EFHC2: variants seen among roughly 807,000 people sequenced by gnomAD.
The protein encoded by EFHC2 is EF-hand domain-containing family member C2.
A neutral mutation model predicts 52.7 loss-of-function variants in EFHC2; 18 were observed. The ratio of observed to expected loss-of-function variants is 0.34; its 90% confidence interval spans 0.24 to 0.51. The LOEUF (loss-of-function observed/expected upper bound fraction) is 0.51, where lower values mean the gene tolerates loss of function less well. Among genes scored for constraint, EFHC2 ranks in the 20% least tolerant of loss-of-function variants. The pLI, the probability that EFHC2 is intolerant of heterozygous loss-of-function variation, is 0.97. For synonymous variants in EFHC2, 203 were observed against 204.1 expected, an observed-to-expected ratio of 0.99 and a Z score of 0.04; for missense variants, 513 against 562.5, an observed-to-expected ratio of 0.91 and a Z score of 0.89.
chrX:44,150,812 A>C (rs2036564679), intron 14 of EFHC2, among the ~76,000 whole-genome samples: 1 of 111,471 alleles, frequency 9.0e-6, no homozygotes, highest in Admixed American at 9.6e-5. Context: ...CTCATGCAAA[A>C]GAGTTATGTG....
chrX:44,271,723 C>A (rs1333060440), intron 3 of EFHC2, among the ~76,000 whole-genome samples: 1 of 110,914 alleles, frequency 9.0e-6, no homozygotes, highest in Non-Finnish European at 1.9e-5. Flanking sequence ...CCCCTAACCC[C>A]AACCCTACCC....
chrX:44,194,456 C>T (rs1347616496), intron 11 of EFHC2, among the ~76,000 whole-genome samples: 1 of 111,869 alleles, frequency 8.9e-6, no homozygotes, highest in African/African-American at 3.2e-5. Context: ...TTGTTCTTGG[C>T]TCCTTGTTTT....
intron 8 of EFHC2, among the ~76,000 whole-genome samples, chrX:44,238,330 G>A (rs1294343866): frequency 9.0e-6 from 1 of 111,159 alleles, no homozygotes; most frequent in Non-Finnish European, 1.9e-5. Flanking sequence ...CCAGATCTGA[G>A]CCACCAAAAC....
At chrX:44,200,391 A>G (rs189365703) in intron 11 of EFHC2, among the ~76,000 whole-genome samples, 2 of 111,603 alleles carry the variant, frequency 1.8e-5, no homozygotes, top group African/African-American at 6.5e-5. Context: ...GTAATGAACC[A>G]TGAAATTATG....
intron 11 of EFHC2, among the ~76,000 whole-genome samples, chrX:44,184,281 A>G (rs1388292008): frequency 9.0e-6 from 1 of 111,491 alleles, no homozygotes; most frequent in East Asian, 2.8e-4. Flanking sequence ...TCAACTTCAG[A>G]GCCTTTGTAC....
intron 2 of EFHC2, among the ~76,000 whole-genome samples, chrX:44,282,189 G>A (rs1423751219): frequency 9.1e-6 from 1 of 110,090 alleles, no homozygotes; most frequent in Non-Finnish European, 1.9e-5. Flanking sequence ...GGAAGGGCTT[G>A]GTGAATTACG....
intron 1 of EFHC2, among the ~76,000 whole-genome samples, chrX:44,322,293 G>GCT: frequency 9.0e-6 from 1 of 111,677 alleles, no homozygotes; most frequent in Non-Finnish European, 1.9e-5. Flanking sequence ...CTTATACTAG[G>GCT]CTTTGTACTT....
intron 11 of EFHC2, among the ~76,000 whole-genome samples, chrX:44,225,197 T>C (rs2037222697): frequency 9.3e-6 from 1 of 107,256 alleles, no homozygotes; most frequent in Admixed American, 1.0e-4. Context: ...GAAGCAGAAG[T>C]GGTGAATTCC....
intron 2 of EFHC2, among the ~76,000 whole-genome samples, chrX:44,282,623 G>GT (rs1470003303): frequency 5.0e-4 from 10 of 19,928 alleles, no homozygotes; most frequent in Admixed American, 2.5e-3. Flanking sequence ...CTCGGGGCGG[G>GT]GGGGGGGGGG....
At chrX:44,335,137 T>C (rs1376068726) in intron 1 of EFHC2, among the ~76,000 whole-genome samples, 1 of 109,823 alleles carries the variant, frequency 9.1e-6, no homozygotes, top group Admixed American at 9.8e-5. Context: ...GTGTAGATTA[T>C]GCTACCAAGT....
In EFHC2 at chrX:44,303,164, C is replaced by T. The variant is rs1401219868; in HGVS notation, c.231+9404G>A. ...TTACAAGCTGGCCTGGCATCCACAG[C>T]TAGGCCTTGGTGTTCTCCTGCTAAA... is the stretch of plus-strand genomic sequence containing the variant. On this transcript the variant is annotated intron_variant, in intron 2 of 14. Transcript: ENST00000420999. Among the ~76,000 whole-genome samples the T allele has an allele frequency of 4.5e-5, 5 of 111,295 alleles. No individual in the cohort carries two copies. The East Asian group carries it at 1.4e-3, about 31-fold the overall frequency.
chrX:44,239,585 T>C (rs141904474), intron 8 of EFHC2, among the ~76,000 whole-genome samples: 3,091 of 112,080 alleles, frequency 0.028, 115 homozygotes, highest in African/African-American at 0.095. Flanking sequence ...CAGCTAAAAA[T>C]TAGCTGTGTC....
At chrX:44,252,381 G>T (rs187095091) in intron 4 of EFHC2, among the ~76,000 whole-genome samples, 1 of 111,884 alleles carries the variant, frequency 8.9e-6, no homozygotes, top group Non-Finnish European at 1.9e-5. Context: ...TCTATCTGTC[G>T]AGGGCAGTCT....
chrX:44,260,328 G>A (rs1182818190), intron 4 of EFHC2, among the ~76,000 whole-genome samples: 1 of 111,485 alleles, frequency 9.0e-6, no homozygotes, highest in Non-Finnish European at 1.9e-5. Flanking sequence ...TGGAAATCAG[G>A]GTAAGAGTCA....
intron 11 of EFHC2, among the ~76,000 whole-genome samples, chrX:44,212,383 G>A (rs762104622): frequency 7.2e-5 from 8 of 111,520 alleles, no homozygotes; most frequent in Non-Finnish European, 1.3e-4. Context: ...CAGACTTCTG[G>A]CAGAGAGAGT....
Position 44,275,005 on chromosome X carries a change from A to AT in EFHC2, c.232-2170dup, listed in dbSNP as rs201880619. On this transcript the variant is annotated intron_variant, in intron 2 of 14. Coordinates refer to ENST00000420999, the MANE Select transcript of EFHC2 (RefSeq NM_025184.4). ...CAGTGTACGTAATATTTAATCTGAG[A>AT]TTTTTTTTTCTTTGTAATCAAGTAG... is the stretch of plus-strand genomic sequence containing the variant. Among the ~76,000 whole-genome samples, 673 of 110,539 alleles carry AT rather than the reference A, an allele frequency of 6.1e-3. 5 individuals are homozygous for AT. Among genetic ancestry groups the AT allele is most frequent in the Non-Finnish European group, 7.0e-3 (368 of 52,792 alleles).
intron 10 of EFHC2, 33 bp downstream of exon 10, chrX:44,232,448 A>G (rs2037285140): frequency 9.9e-7 from 1 of 1,010,990 alleles, no homozygotes; most frequent in African/African-American, 1.9e-5. Flanking sequence ...GAGGGCTGAG[A>G]GGCAAGTCAA....
At chrX:44,331,485 A>C (rs2038086214) in intron 1 of EFHC2, among the ~76,000 whole-genome samples, 1 of 111,974 alleles carries the variant, frequency 8.9e-6, no homozygotes, top group Non-Finnish European at 1.9e-5. Flanking sequence ...GGAAATGTAT[A>C]CATTGCACCA....
chrX:44,232,893 G>A (rs2037290080), intron 9 of EFHC2, among the ~76,000 whole-genome samples: 1 of 111,431 alleles, frequency 9.0e-6, no homozygotes, highest in Non-Finnish European at 1.9e-5. Flanking sequence ...GCAAAGCCAG[G>A]CATGGTGGCA....
Sources: gnomAD v4.1 joint callset for allele counts (sites outside exome capture counted in the v4.1 genomes callset) on GRCh38, gnomAD v4.1.1 for gene constraint, MANE v1.5 for transcripts, NCBI Gene and HGNC (gene_info 2026-07-23, HGNC 2026-07-21) for gene names.